Variants in KDM1B observed in about 807,000 individuals in gnomAD.
KDM1B encodes lysine-specific histone demethylase 2.
Under a neutral mutation model 107.4 loss-of-function variants are expected in KDM1B, and 63 were observed. The ratio of observed to expected loss-of-function variants is 0.59; its 90% CI spans 0.48 to 0.72. KDM1B has a LOEUF of 0.72. Ranked by LOEUF, KDM1B falls within the 30% of genes least tolerant of loss-of-function variation. The pLI, the probability that KDM1B is intolerant of heterozygous loss-of-function variation, is 0.00. For missense variants in KDM1B, 749 were observed against 1,020.8 expected, an observed-to-expected ratio of 0.73 and a Z score of 3.63; for synonymous variants, 363 against 363.9, an observed-to-expected ratio of 1.00 and a Z score of 0.03.
At position 18,162,367 on chromosome 6, in the gene KDM1B, C is replaced by T. The variant is rs1785027712; in HGVS notation, c.216-468C>T. Among the ~76,000 whole-genome samples, 2 of 152,062 alleles carry T rather than the reference C, an allele frequency of 1.3e-5. No homozygotes were observed. The highest frequency in any genetic ancestry group is 6.6e-5 in the Admixed American group (1 of 15,252). On this transcript the variant is annotated intron_variant, in intron 4 of 21. Transcript: ENST00000650836. This position sits in a 1 kb window ranked among gnomAD's most constrained non-coding sequence, Gnocchi z 4.1. ...AAAATAAACACAAAGACGTGGTGATCGTGTTCATAGTGGCATGATTTTTCA... is the reference window on the plus strand; with the variant it reads ...AAAATAAACACAAAGACGTGGTGATTGTGTTCATAGTGGCATGATTTTTCA...
Position 18,197,259 on chromosome 6 carries a change from G to A in KDM1B, c.1146+26G>A, listed in dbSNP as rs1787712007. The A allele has an allele frequency of 1.3e-6, 2 of 1,597,832 alleles. No individual in the cohort carries two copies. The highest frequency in any genetic ancestry group is 1.7e-5 in the Admixed American group (1 of 58,570). On this transcript the variant is annotated intron_variant, in intron 11 of 21. Transcript: ENST00000650836. This position sits in a 1 kb window ranked among gnomAD's most constrained non-coding sequence, Gnocchi z 4.5. ...GTAGGTGATTATAGCTTTAGCGATA[G>A]CCTTGCCATTGATCAGGACAAACGC...
intron 7 of KDM1B, among the ~76,000 whole-genome samples, chr6:18,178,178 G>C (rs1786162222): frequency 6.6e-6 from 1 of 152,114 alleles, no homozygotes; most frequent in African/African-American, 2.4e-5. Flanking sequence ...CATCTCCTGG[G>C]TTCAAGCAAT....
At position 18,197,572 on chromosome 6, in the gene KDM1B, T is replaced by C; in HGVS notation, c.1147-15T>C. ...CATCTGCTCTAATTGGACTTTTGTT[T>C]CTTTTCTTTTTAAGAAATCAGTCAT... On this transcript the variant is annotated splice_polypyrimidine_tract_variant and intron_variant, in intron 11 of 21. Coordinates refer to ENST00000650836, the MANE Select transcript of KDM1B (RefSeq NM_001364614.2). This position sits in a 1 kb window ranked among gnomAD's most constrained non-coding sequence, Gnocchi z 4.5. The C allele has an allele frequency of 1.2e-6, 2 of 1,609,858 alleles. No individual in the cohort carries two copies. The highest frequency in any genetic ancestry group is 1.7e-6 in the Non-Finnish European group (2 of 1,176,346).
At position 18,212,157 on chromosome 6, in the gene KDM1B, C is replaced by T. The variant is rs1402230627; in HGVS notation, c.1867-331C>T. Reference sequence around the variant, plus strand: ...ACAGGGTTTCACCATGTTGGCCAGGCTGGTCTTGAACTCCTGACCTCAGGT... The same window carrying T: ...ACAGGGTTTCACCATGTTGGCCAGGTTGGTCTTGAACTCCTGACCTCAGGT... On this transcript the variant is annotated intron_variant, in intron 17 of 21. Transcript: ENST00000650836. This position sits in a 1 kb window ranked among gnomAD's most constrained non-coding sequence, Gnocchi z 5.2. 9.2e-6 allele frequency: 2 copies of T among 217,176 alleles called. No individual in the cohort carries two copies. Among genetic ancestry groups the T allele is most frequent in the African/African-American group, 4.6e-5 (2 of 43,576 alleles). The allele number at this position is 217,176 out of a possible 1,614,324, so 13.5% of individuals were successfully genotyped here.
At position 18,155,936 on chromosome 6, in the gene KDM1B, G is replaced by A. The variant is rs1350649087; in HGVS notation, c.-14+10G>A. 1 of 152,196 alleles carries A rather than the reference G, an allele frequency of 6.6e-6. No homozygotes were observed. Among genetic ancestry groups the A allele is most frequent in the South Asian group, 2.1e-4 (1 of 4,830 alleles). 9.4% of individuals were successfully genotyped at this position (152,196 alleles called of 1,614,324 possible). A position where few individuals can be genotyped will look rare whatever the true frequency, so the allele number is the denominator to read the frequency against. On this transcript the variant is annotated intron_variant, in intron 2 of 21. Transcript: ENST00000650836. The surrounding 1 kb of genome is among the most constrained non-coding windows in gnomAD (Gnocchi z 6.2). Reference sequence around the variant, plus strand: ...CCTCTTCAGCGCAAAGGTGAGCCCCGGGGCAGTTGCTTCTCCGACTTCGAA... The same window carrying A: ...CCTCTTCAGCGCAAAGGTGAGCCCCAGGGCAGTTGCTTCTCCGACTTCGAA...
chr6:18,215,389 G>A (rs1231157016), intron 20 of KDM1B, among the ~76,000 whole-genome samples: 3 of 152,202 alleles, frequency 2.0e-5, no homozygotes, highest in South Asian at 2.1e-4. Flanking sequence ...GCCTGAGATC[G>A]AGGTGTCGGC....
In KDM1B at chr6:18,191,514, G is replaced by A. The variant is rs1787284721; in HGVS notation, c.969+133G>A. 9.8e-7 allele frequency: 1 copy of A among 1,016,748 alleles called. No homozygotes were observed. The highest frequency in any genetic ancestry group is 2.7e-5 in the Admixed American group (1 of 36,676). 63.0% of individuals were successfully genotyped at this position (1,016,748 alleles called of 1,614,324 possible). ...CGTGCCTCTGTTGACAATTTGGGCA[G>A]ATAATTCTTTGTGGTGGGGACTGTC... On this transcript the variant is annotated intron_variant, in intron 10 of 21. Coordinates refer to ENST00000650836, the MANE Select transcript of KDM1B (RefSeq NM_001364614.2). This position sits in a 1 kb window ranked among gnomAD's most constrained non-coding sequence, Gnocchi z 5.1.
chr6:18,156,246 G>C (rs1784600348), intron 2 of KDM1B, among the ~76,000 whole-genome samples: 1 of 152,202 alleles, frequency 6.6e-6, no homozygotes, highest in Admixed American at 6.5e-5. Flanking sequence ...GGGGTGGCCC[G>C]ATTAGGGTAG....
intron 6 of KDM1B, among the ~76,000 whole-genome samples, chr6:18,171,013 G>A (rs1328765284): frequency 6.6e-6 from 1 of 151,832 alleles, no homozygotes; most frequent in East Asian, 1.9e-4. Context: ...GTAGAGACGG[G>A]GTTTCACCGT....
Position 18,166,366 on chromosome 6 carries a change from A to G in KDM1B, c.405A>G (p.Gln135=). ...CCAAAGCTTTCATGGCAGACCAGCAACTCCCCTACTGGGTAAGGAGAGTGA... is the reference window on the plus strand; with the variant it reads ...CCAAAGCTTTCATGGCAGACCAGCAGCTCCCCTACTGGGTAAGGAGAGTGA... ...PSPKAFMADQ[Q]LPYWVQCTKP... Residue 135 remains glutamine (Q), a synonymous_variant, in exon 6 of 22, where the codon CAA becomes CAG. Coordinates refer to ENST00000650836, the MANE Select transcript of KDM1B (RefSeq NM_001364614.2). The G allele has an allele frequency of 4.4e-6, 7 of 1,601,104 alleles. No individual in the cohort carries two copies. Among genetic ancestry groups the G allele is most frequent in the Non-Finnish European group, 6.0e-6 (7 of 1,168,128 alleles).
Position 18,197,725 on chromosome 6 carries a change from A to T in KDM1B, c.1221+64A>T. ...ACTGCTCCTTTTGGTCCAAATTTCT[A>T]AGATTTAGAAACCAGTTCCTATTTT... On this transcript the variant is annotated intron_variant, in intron 12 of 21. Coordinates refer to ENST00000650836, the MANE Select transcript of KDM1B (RefSeq NM_001364614.2). This position sits in a 1 kb window ranked among gnomAD's most constrained non-coding sequence, Gnocchi z 4.5. 8.5e-7 allele frequency: 1 copy of T among 1,170,070 alleles called. No homozygotes were observed. The highest frequency in any genetic ancestry group is 2.4e-5 in the East Asian group (1 of 42,522). The allele number at this position is 1,170,070 out of a possible 1,614,324, so 72.5% of individuals were successfully genotyped here. A position where few individuals can be genotyped will look rare whatever the true frequency, so the allele number is the denominator to read the frequency against.
chr6:18,221,863 ACTC>A lies in KDM1B; in HGVS notation c.2386-45_2386-43del, dbSNP rs201333897. ...AACCTTGTTTTACCTTTTGATATCA[ACTC>A]AACTCTATGCATGATCTCAAATTAT... On this transcript the variant is annotated intron_variant, in intron 21 of 21. Transcript: ENST00000650836. 6.9e-3 allele frequency: 9,925 copies of A among 1,431,384 alleles called. 46 individuals are homozygous for A. Among genetic ancestry groups the A allele is most frequent in the Non-Finnish European group, 8.1e-3 (8,491 of 1,054,604 alleles). The allele number at this position is 1,431,384 out of a possible 1,614,324, so 88.7% of individuals were successfully genotyped here.
rs530614272 is a variant in KDM1B, at chr6:18,159,115, G to A, written c.-13-768G>A. On this transcript the variant is annotated intron_variant, in intron 2 of 21. Transcript: ENST00000650836. The surrounding 1 kb of genome is among the most constrained non-coding windows in gnomAD (Gnocchi z 4.5). Reference sequence around the variant, plus strand: ...CCTGAGTAGCTGGAATTACAGGCACGCGCCTCCATGCCTGGCTAATTTTTG... The same window carrying A: ...CCTGAGTAGCTGGAATTACAGGCACACGCCTCCATGCCTGGCTAATTTTTG... 2.4e-4 allele frequency among the ~76,000 whole-genome samples: 37 copies of A among 152,236 alleles called. No individual in the cohort carries two copies. The highest frequency in any genetic ancestry group is 4.0e-4 in the Non-Finnish European group (27 of 68,012).
rs765127052 is a variant in KDM1B at position 18,200,481 on chromosome 6, T to C, written c.1264T>C (p.Trp422Arg). Residue 422 changes from tryptophan to arginine, a missense_variant, in exon 13 of 22, where the codon TGG becomes CGG. Trp to Arg is a moderately radical substitution (Grantham distance 101, BLOSUM62 -3). Coordinates refer to ENST00000650836, the MANE Select transcript of KDM1B (RefSeq NM_001364614.2). This position sits in a 1 kb window ranked among gnomAD's most constrained non-coding sequence, Gnocchi z 4.3. ...CAAAGACAGAATTGGAGGCCGAGTC[T>C]GGGATGATAAATCTTTTAAAGGCGT... Reference protein sequence around the residue: ...EAKDRIGGRVWDDKSFKGVTV... With the variant: ...EAKDRIGGRVRDDKSFKGVTV... 4.3e-6 allele frequency: 7 copies of C among 1,614,030 alleles called. No homozygotes were observed. The highest frequency in any genetic ancestry group is 5.9e-6 in the Non-Finnish European group (7 of 1,180,036).
chr6:18,220,039 A>G (rs748111765), intron 21 of KDM1B, among the ~76,000 whole-genome samples: 1 of 152,142 alleles, frequency 6.6e-6, no homozygotes, highest in Non-Finnish European at 1.5e-5. Flanking sequence ...ACCCCTTGCT[A>G]ACCTCTGCCT....
chr6:18,200,388 T>A lies in KDM1B; in HGVS notation c.1222-51T>A. The A allele has an allele frequency of 6.4e-7, 1 of 1,556,068 alleles. No homozygotes were observed. The highest frequency in any genetic ancestry group is 8.8e-7 in the Non-Finnish European group (1 of 1,141,050). On this transcript the variant is annotated intron_variant, in intron 12 of 21. Transcript: ENST00000650836. This position sits in a 1 kb window ranked among gnomAD's most constrained non-coding sequence, Gnocchi z 4.3. ...TTCTACATTTTTATAATACTGTGTC[T>A]GATATAACTCTTGTGTCCTATTTAG...
chr6:18,167,171 A>G (rs1785353347), intron 6 of KDM1B, among the ~76,000 whole-genome samples: 1 of 151,944 alleles, frequency 6.6e-6, no homozygotes, highest in Non-Finnish European at 1.5e-5. Flanking sequence ...CCTGGCCAAC[A>G]TGGGGAAACC....
intron 5 of KDM1B, among the ~76,000 whole-genome samples, chr6:18,163,263 T>C (rs553666873): frequency 6.6e-6 from 1 of 152,230 alleles, no homozygotes; most frequent in African/African-American, 2.4e-5. Context: ...TCTCGCCATG[T>C]TGTCCAGGCT....
At chr6:18,217,931 G>T (rs887820503) in intron 21 of KDM1B, 46 bp downstream of exon 21, 5 of 1,583,240 alleles carry the variant, frequency 3.2e-6, no homozygotes, top group Non-Finnish European at 4.3e-6. Flanking sequence ...TTTGATTTCT[G>T]TCTTTCATCT....
Sources: gnomAD v4.1 joint callset for allele counts (sites outside exome capture counted in the v4.1 genomes callset) on GRCh38, gnomAD v4.1.1 for gene constraint, Gnocchi (gnomAD v3.1) non-coding constraint, MANE v1.5 for transcripts, NCBI Gene and HGNC (gene_info 2026-07-23, HGNC 2026-07-21) for gene names.